MCF2L: variants seen among roughly 807,000 people sequenced by gnomAD.
The protein encoded by MCF2L is MCF.2 cell line derived transforming sequence like, also known as guanine nucleotide exchange factor DBS.
Under a neutral mutation model 153.4 loss-of-function variants are expected in MCF2L, and 97 were observed. The ratio of observed to expected loss-of-function variants is 0.63; its 90% confidence interval spans 0.54 to 0.75. The LOEUF is 0.75. Ranked by LOEUF, MCF2L falls within the 30% of genes least tolerant of loss-of-function variation. The pLI is 0.00. For missense variants in MCF2L, 1,347 were observed against 1,495.2 expected (o/e 0.90, Z 1.64); for synonymous variants, 659 against 632.2 (o/e 1.04, Z -0.64).
Position 113,096,275 on chromosome 13 carries a change from G to A in MCF2L, c.3076-96G>A, listed in dbSNP as rs996863340. 5.2e-6 allele frequency: 5 copies of A among 962,214 alleles called. No individual in the cohort carries two copies. In the South Asian group the frequency reaches 7.4e-5, roughly 14 times the overall value. The allele number at this position is 962,214 out of a possible 1,614,324, so 59.6% of individuals were successfully genotyped here. A position where few individuals can be genotyped will look rare whatever the true frequency, so the allele number is the denominator to read the frequency against. ...GTCGTGGCCAGGAGCTCCCACCGGG[G>A]CAGGGCGCTAAGGCCCGGCACTCCG... On this transcript the variant is annotated intron_variant, in intron 27 of 29. Transcript: ENST00000535094.
intron 12 of MCF2L, among the ~76,000 whole-genome samples, chr13:113,076,373 T>C (rs1467961056): frequency 6.6e-6 from 1 of 152,182 alleles, no homozygotes; most frequent in Non-Finnish European, 1.5e-5. Context: ...CAAGCAATTC[T>C]CCTGCCTCAG....
chr13:112,968,624 C>T (rs910057748), upstream of MCF2L: 4 of 1,528,208 alleles, frequency 2.6e-6, no homozygotes, highest in Non-Finnish European at 2.6e-6. Flanking sequence ...CTTACCTGGG[C>T]GCGGCGCGGG....
chr13:113,037,010 T>G (rs2086198146), intron 3 of MCF2L, among the ~76,000 whole-genome samples: 1 of 152,178 alleles, frequency 6.6e-6, no homozygotes, highest in African/African-American at 2.4e-5. Context: ...ACACTGGTGT[T>G]TGGAACCCCC....
intron 1 of MCF2L, among the ~76,000 whole-genome samples, chr13:112,895,204 G>GC (rs2081055107): frequency 6.6e-6 from 1 of 152,132 alleles, no homozygotes; most frequent in Admixed American, 6.5e-5. Context: ...GGAGGGCTGG[G>GC]CCAGAGGGGG....
At chr13:112,953,701 A>C (rs1056110655) in intron 2 of MCF2L, among the ~76,000 whole-genome samples, 1 of 152,168 alleles carries the variant, frequency 6.6e-6, no homozygotes, top group Non-Finnish European at 1.5e-5. Context: ...GTTCCCAGCC[A>C]CCTGAGGCCA....
intron 2 of MCF2L, among the ~76,000 whole-genome samples, chr13:112,963,443 C>T (rs746606361): frequency 6.6e-6 from 1 of 152,132 alleles, no homozygotes; most frequent in Non-Finnish European, 1.5e-5. Context: ...CGCGGCATGG[C>T]TAGGAGGGAA....
rs1436540024 is a variant in MCF2L, at chr13:113,025,794, G to A, written c.278+1036G>A. On this transcript the variant is annotated intron_variant, in intron 3 of 29. Coordinates refer to ENST00000535094, the MANE Select transcript of MCF2L (RefSeq NM_001112732.3). ...GGCAGAGTCCCTGTGAGATTTCCCT[G>A]TCATGGGGTCCCCGTGACTGTGGGT... 3.5e-3 allele frequency among the ~76,000 whole-genome samples: 414 copies of A among 117,058 alleles called. 1 individual carries two copies. Among genetic ancestry groups the A allele is most frequent in the African/African-American group, 0.014 (388 of 27,280 alleles). The allele number at this position is 117,058 out of a possible 152,430, so 76.8% of individuals were successfully genotyped here. A position where few individuals can be genotyped will look rare whatever the true frequency, so the allele number is the denominator to read the frequency against.
intron 27 of MCF2L, chr13:113,095,612 A>G: frequency 2.0e-6 from 2 of 994,924 alleles, no homozygotes; most frequent in African/African-American, 3.5e-5. Context: ...GCTCCAGGCC[A>G]TCATGTGAGA....
At chr13:113,012,370 C>T (rs1180433094) in intron 1 of MCF2L, among the ~76,000 whole-genome samples, 1 of 98,194 alleles carries the variant, frequency 1.0e-5, no homozygotes, top group African/African-American at 3.6e-5. Flanking sequence ...GTGATGCGGA[C>T]GGTGGACAGG....
In MCF2L at chr13:113,096,392, G is replaced by T. The variant is rs367714228; in HGVS notation, c.3097G>T (p.Val1033Leu). ...CCAGGTTCCAGGTAAATACACGGTC[G>T]TGGCGGACCACGAGAAGGGAGGCCC... ...KKLVPGKYTVVADHEKGGPDA... is the reference protein window; with the variant it reads ...KKLVPGKYTVLADHEKGGPDA... Residue 1033 changes from valine (V) to leucine (L), a missense_variant, in exon 28 of 30, where the codon GTG becomes TTG. Around this residue, in one of 3 missense-constraint regions of MCF2L, gnomAD observed 383 missense variants for 335.4 expected, o/e 1.14. Transcript: ENST00000535094. 5 of 1,587,458 alleles carry T rather than the reference G, an allele frequency of 3.1e-6. No individual in the cohort carries two copies. In the South Asian group the frequency reaches 5.8e-5, roughly 18 times the overall value.
At chr13:113,089,178 C>A (rs1243875198) in intron 25 of MCF2L, among the ~76,000 whole-genome samples, 12 of 126,476 alleles carry the variant, frequency 9.5e-5, no homozygotes, top group Middle Eastern at 3.6e-3. Flanking sequence ...CGCCCCCCCC[C>A]CCGCCCCCCG....
rs1234189462 is a variant in MCF2L at position 113,077,042 on chromosome 13, G to A, written c.1501-10G>A. 6.2e-7 allele frequency: 1 copy of A among 1,606,236 alleles called. No homozygotes were observed. The highest frequency in any genetic ancestry group is 1.3e-5 in the African/African-American group (1 of 74,806). The stretch of plus-strand genomic sequence containing the variant: ...ATGTGCAAGGCACCTTACTGAGCAT[G>A]CGGTTTCAGGAGCACGTGCGAAAGG... On this transcript the variant is annotated splice_polypyrimidine_tract_variant and intron_variant, in intron 12 of 29. Coordinates refer to ENST00000535094, the MANE Select transcript of MCF2L (RefSeq NM_001112732.3).
At chr13:113,047,825 G>A (rs112267714) in intron 4 of MCF2L, among the ~76,000 whole-genome samples, 43 of 115,214 alleles carry the variant, frequency 3.7e-4, no homozygotes, top group African/African-American at 1.0e-3. Flanking sequence ...CTCACACCTC[G>A]CTACGCGTGC....
chr13:113,080,233 A>G (rs1261651857), intron 15 of MCF2L, among the ~76,000 whole-genome samples: 1 of 150,852 alleles, frequency 6.6e-6, no homozygotes, highest in Non-Finnish European at 1.5e-5. Flanking sequence ...GAGTGTTCGT[A>G]TGGAGGAGGG....
At chr13:113,091,138 G>A in intron 26 of MCF2L, 1 of 1,304,456 alleles carries the variant, frequency 7.7e-7, no homozygotes, top group South Asian at 1.2e-5. Context: ...TACCAGTCCT[G>A]ACAAAAAAGC....
chr13:112,998,193 C>T (rs2083218867), intron 1 of MCF2L, among the ~76,000 whole-genome samples: 2 of 152,336 alleles, frequency 1.3e-5, no homozygotes, highest in East Asian at 3.9e-4. Flanking sequence ...AAGCACAACA[C>T]ACAAATAAAA....
At chr13:113,001,682 C>T in intron 1 of MCF2L, 1 of 1,337,582 alleles carries the variant, frequency 7.5e-7, no homozygotes, top group Non-Finnish European at 9.5e-7. Flanking sequence ...CTGCCTGCAG[C>T]AGGATAAGTG....
In MCF2L at chr13:113,085,156, C is replaced by A; in HGVS notation, c.2225C>A (p.Thr742Asn). Residue 742 changes from threonine (T) to asparagine (N), a missense_variant, in exon 20 of 30, where the codon ACC becomes AAC. Physicochemically the swap from Thr to Asn is moderately conservative, Grantham distance 65 (BLOSUM62 0). This residue lies in a region of MCF2L where 144 missense variants were observed against 238.7 expected (regional missense o/e 0.60). Coordinates refer to ENST00000535094, the MANE Select transcript of MCF2L (RefSeq NM_001112732.3). ...CTGCTGAAGCCAGTGCAGAGGATCA[C>A]CAAGTACCAGCTGCTGCTCAAGGTG... Reference protein sequence around the residue: ...SYLLKPVQRITKYQLLLKEML... With the variant: ...SYLLKPVQRINKYQLLLKEML... The A allele has an allele frequency of 1.9e-6, 3 of 1,613,542 alleles. No individual in the cohort carries two copies. Among genetic ancestry groups the A allele is most frequent in the Non-Finnish European group, 2.5e-6 (3 of 1,180,014 alleles).
intron 1 of MCF2L, among the ~76,000 whole-genome samples, chr13:113,003,490 G>A (rs543605948): frequency 5.3e-5 from 8 of 151,980 alleles, no homozygotes; most frequent in Admixed American, 2.6e-4. Context: ...GGAAGGCTCC[G>A]GTGTGAGCAG....
Sources: allele counts gnomAD v4.1 joint callset (sites outside exome capture counted in the v4.1 genomes callset), GRCh38; gene constraint gnomAD v4.1.1; regional missense constraint gnomAD v4.1.1; transcripts MANE v1.5; gene names NCBI Gene and HGNC (gene_info 2026-07-23, HGNC 2026-07-21).